The following SNX13 variants were observed in gnomAD, a reference collection of about 807,000 sequenced individuals.
SNX13 encodes the protein sorting nexin-13.
SNX13 carries 45 observed loss-of-function variants against 133.6 expected under a neutral mutation model. The observed-to-expected ratio is 0.34, with a 90% confidence interval of 0.27 to 0.43. SNX13 has a LOEUF of 0.43. Among genes scored for constraint, SNX13 ranks in the 20% least tolerant of loss-of-function variants. The pLI is 1.00. For synonymous variants in SNX13, 414 were observed against 373.9 expected (o/e 1.11, Z -1.24); for missense variants, 1,032 against 1,145.1 (o/e 0.90, Z 1.43).
intron 20 of SNX13, among the ~76,000 whole-genome samples, chr7:17,804,686 CAAAGA>C (rs1276283200): frequency 6.8e-6 from 1 of 146,204 alleles, no homozygotes; most frequent in Non-Finnish European, 1.5e-5. Context: ...ATAAAGAAAT[CAAAGA>C]AAAGACACAA....
intron 9 of SNX13, among the ~76,000 whole-genome samples, chr7:17,859,717 T>C (rs1054705966): frequency 1.3e-5 from 2 of 152,170 alleles, no homozygotes; most frequent in African/African-American, 2.4e-5. Flanking sequence ...AACATTTTAC[T>C]AAGAGTTTGA....
At chr7:17,886,302 A>G (rs1281669018) in intron 5 of SNX13, among the ~76,000 whole-genome samples, 2 of 151,866 alleles carry the variant, frequency 1.3e-5, no homozygotes, top group Non-Finnish European at 2.9e-5. Context: ...GGGCACAGTG[A>G]CTCACGCCTG....
At chr7:17,836,315 G>C (rs1562732112) in intron 13 of SNX13, among the ~76,000 whole-genome samples, 2 of 151,970 alleles carry the variant, frequency 1.3e-5, no homozygotes, top group Admixed American at 6.6e-5. Flanking sequence ...GCATAAGTTC[G>C]AGAACAGCCT....
At chr7:17,905,132 T>C (rs1170562008) in intron 1 of SNX13, among the ~76,000 whole-genome samples, 4 of 152,224 alleles carry the variant, frequency 2.6e-5, no homozygotes, top group Admixed American at 6.5e-5. Flanking sequence ...GATTAGTTTA[T>C]AGTGCAGCAA....
intron 5 of SNX13, among the ~76,000 whole-genome samples, chr7:17,877,919 T>C (rs552996765): frequency 6.6e-6 from 1 of 152,006 alleles, no homozygotes; most frequent in Non-Finnish European, 1.5e-5. Context: ...CTTTCTAGAT[T>C]AGGAAGAACA....
intron 1 of SNX13, among the ~76,000 whole-genome samples, chr7:17,909,046 C>G (rs1798672880): frequency 6.6e-6 from 1 of 151,802 alleles, no homozygotes; most frequent in South Asian, 2.1e-4. Flanking sequence ...AGCCCTTAAA[C>G]AAACAAAAGA....
At chr7:17,864,547 G>A (rs1342017781) in intron 9 of SNX13, among the ~76,000 whole-genome samples, 1 of 151,950 alleles carries the variant, frequency 6.6e-6, no homozygotes, top group Non-Finnish European at 1.5e-5. Flanking sequence ...ACGATTTATT[G>A]GCCTTAAAGA....
intron 20 of SNX13, among the ~76,000 whole-genome samples, chr7:17,805,250 T>TGTGC: frequency 0.019 from 1,819 of 95,564 alleles, 38 homozygotes; most frequent in African/African-American, 0.03. Flanking sequence ...TGTGTGTGTG[T>TGTGC]GCGTGCGCGC....
intron 5 of SNX13, chr7:17,889,605 G>A (rs1479825429): frequency 6.6e-6 from 1 of 151,802 alleles, no homozygotes; most frequent in African/African-American, 2.4e-5. Flanking sequence ...CCCATTAAAA[G>A]GCTTTCAAAA....
At chr7:17,914,687 C>T (rs762469976) in intron 1 of SNX13, among the ~76,000 whole-genome samples, 20 of 152,142 alleles carry the variant, frequency 1.3e-4, no homozygotes, top group Non-Finnish European at 1.5e-5. Context: ...AAGAAATTTG[C>T]CACCATGAGA....
chr7:17,895,416 A>C (rs1312345742), intron 2 of SNX13, among the ~76,000 whole-genome samples: 1 of 152,184 alleles, frequency 6.6e-6, no homozygotes, highest in Non-Finnish European at 1.5e-5. Flanking sequence ...TTATATTAAA[A>C]AATAAGGAGT....
chr7:17,807,816 G>A (rs1335760365), intron 20 of SNX13, among the ~76,000 whole-genome samples: 5 of 137,966 alleles, frequency 3.6e-5, no homozygotes, highest in East Asian at 2.2e-4. Flanking sequence ...GGTGATACTC[G>A]GGCAAACAGG....
Position 17,796,850 on chromosome 7 carries a change from G to T in SNX13, c.2603C>A (p.Thr868Lys). 1 of 1,610,132 alleles carries T rather than the reference G, an allele frequency of 6.2e-7. No homozygotes were observed. Among genetic ancestry groups the T allele is most frequent in the Non-Finnish European group, 8.5e-7 (1 of 1,177,408 alleles). ...ACCTGGCATAATTGCAAGTAATTTC[G>T]TTTTTCCTGCTACTCTTGTTCTCAT... ...IRMRTRVAGK[T>K]KLLAIMPDEL... The change falls in exon 25 of 26, where the codon ACG (threonine) becomes AAG (lysine). Residue 868 changes from threonine to lysine, a missense_variant. By Grantham distance (78) the Thr-to-Lys change is moderately conservative. Coordinates refer to ENST00000428135, the MANE Select transcript of SNX13 (RefSeq NM_015132.5).
At chr7:17,933,455 A>G (rs1458166828) in intron 1 of SNX13, among the ~76,000 whole-genome samples, 1 of 152,078 alleles carries the variant, frequency 6.6e-6, no homozygotes, top group Non-Finnish European at 1.5e-5. Context: ...AGGCAAAAGA[A>G]TCGCTTGAAC....
intron 5 of SNX13, chr7:17,881,718 G>T (rs1795374909): frequency 6.6e-6 from 1 of 152,066 alleles, no homozygotes; most frequent in African/African-American, 2.4e-5. Flanking sequence ...TTCACTATTA[G>T]AAAGGATATA....
chr7:17,876,914 CGAAGAGTCTATTCAT>C (rs1342168501), intron 5 of SNX13, among the ~76,000 whole-genome samples: 1 of 150,382 alleles, frequency 6.6e-6, no homozygotes, highest in Non-Finnish European at 1.5e-5. Context: ...AGATAGAAAA[CGAAGAGTCTATTCAT>C]GAAGATGCTA....
intron 1 of SNX13, among the ~76,000 whole-genome samples, chr7:17,912,130 G>A (rs1799048477): frequency 6.6e-6 from 1 of 152,208 alleles, no homozygotes; most frequent in African/African-American, 2.4e-5. Flanking sequence ...TCACCAGAAT[G>A]CAAAGAACAC....
chr7:17,927,245 GTA>G (rs112102586), intron 1 of SNX13, among the ~76,000 whole-genome samples: 3 of 148,272 alleles, frequency 2.0e-5, no homozygotes, highest in South Asian at 4.2e-4. Flanking sequence ...ATATATATAT[GTA>G]TATATATATA....
At chr7:17,801,136 G>A (rs1784603713) in intron 22 of SNX13, among the ~76,000 whole-genome samples, 1 of 138,916 alleles carries the variant, frequency 7.2e-6, no homozygotes, top group South Asian at 2.3e-4. Context: ...GTTCATAGAA[G>A]TATTATTCAT....
Sources: allele counts gnomAD v4.1 joint callset (sites outside exome capture counted in the v4.1 genomes callset), GRCh38; gene constraint gnomAD v4.1.1; transcripts MANE v1.5; gene names NCBI Gene and HGNC (gene_info 2026-07-23, HGNC 2026-07-21).